ARHGEF7: variants seen among roughly 807,000 people sequenced by gnomAD.
ARHGEF7 encodes PAK-interacting exchange factor beta.
A neutral mutation model predicts 109.8 loss-of-function variants in ARHGEF7; 33 were observed. The ratio of observed to expected loss-of-function variants is 0.30; its 90% confidence interval spans 0.23 to 0.40. The LOEUF is 0.40. Among genes scored for constraint, ARHGEF7 ranks in the 10% least tolerant of loss-of-function variants. ARHGEF7 has a pLI of 1.00. For missense variants in ARHGEF7, 938 were observed against 1,098.5 expected, an observed-to-expected ratio of 0.85 and a Z score of 2.07; for synonymous variants, 458 against 424.6, an observed-to-expected ratio of 1.08 and a Z score of -0.97.
intron 2 of ARHGEF7, chr13:111,184,948 TG>T (rs1248184549): frequency 1.3e-5 from 2 of 152,248 alleles, no homozygotes; most frequent in East Asian, 3.8e-4. Flanking sequence ...ACACTTCAGA[TG>T]GGGGATAGTC....
intron 8 of ARHGEF7, among the ~76,000 whole-genome samples, chr13:111,253,647 G>C (rs1020223692): frequency 6.6e-6 from 1 of 152,172 alleles, no homozygotes; most frequent in African/African-American, 2.4e-5. Flanking sequence ...AGGGTGCCTG[G>C]ATCACTGTAC....
intron 2 of ARHGEF7, among the ~76,000 whole-genome samples, chr13:111,204,018 G>A (rs2081478697): frequency 6.6e-6 from 1 of 152,196 alleles, no homozygotes; most frequent in Non-Finnish European, 1.5e-5. Flanking sequence ...AGGGAGGCCT[G>A]TAGACATCCA....
intron 5 of ARHGEF7, among the ~76,000 whole-genome samples, chr13:111,221,492 C>T (rs1343406638): frequency 6.6e-4 from 27 of 41,190 alleles, no homozygotes; most frequent in Middle Eastern, 0.02. Context: ...TATATATAGA[C>T]ATATATATAT....
rs1337726889 is a variant in ARHGEF7, at chr13:111,261,008, C to T, written c.951-6540C>T. Among the ~76,000 whole-genome samples, 5 of 151,508 alleles carry T rather than the reference C, an allele frequency of 3.3e-5. No homozygotes were observed. The East Asian group carries it at 5.8e-4, about 18-fold the overall frequency. On this transcript the variant is annotated intron_variant, in intron 8 of 21. Coordinates refer to ENST00000646102, the MANE Select transcript of ARHGEF7 (RefSeq NM_001354046.2). ...CAATAGATCCATAAAAAATAAAAAG[C>T]AAGAAATTAAAACATAAAACCAGAG... is the stretch of plus-strand genomic sequence containing the variant.
intron 8 of ARHGEF7, among the ~76,000 whole-genome samples, chr13:111,256,459 C>T (rs923240798): frequency 6.6e-6 from 1 of 152,224 alleles, no homozygotes; most frequent in Non-Finnish European, 1.5e-5. Flanking sequence ...GCTCCACCAT[C>T]CCTGGTCTTT....
At chr13:111,226,563 A>C (rs539893021) in intron 5 of ARHGEF7, among the ~76,000 whole-genome samples, 5 of 152,256 alleles carry the variant, frequency 3.3e-5, no homozygotes, top group Non-Finnish European at 5.9e-5. Context: ...GGTTTGCTGA[A>C]TATTTTAAGC....
intron 2 of ARHGEF7, among the ~76,000 whole-genome samples, chr13:111,159,984 C>T (rs1445694879): frequency 6.6e-6 from 1 of 152,156 alleles, no homozygotes; most frequent in African/African-American, 2.4e-5. Context: ...TTCATAGTCT[C>T]AGGTCTTACA....
intron 2 of ARHGEF7, among the ~76,000 whole-genome samples, chr13:111,157,583 AATG>A (rs961526428): frequency 3.9e-5 from 6 of 152,152 alleles, no homozygotes; most frequent in Admixed American, 3.3e-4. Context: ...AGAAAAAAAA[AATG>A]ATGATGATGA....
chr13:111,194,558 T>C (rs1426320135), intron 2 of ARHGEF7, among the ~76,000 whole-genome samples: 2 of 152,252 alleles, frequency 1.3e-5, no homozygotes, highest in East Asian at 3.8e-4. Flanking sequence ...TGACCTGCTA[T>C]AGGCAAAGCT....
chr13:111,232,279 G>C (rs1380955890), intron 5 of ARHGEF7, among the ~76,000 whole-genome samples: 1 of 152,080 alleles, frequency 6.6e-6, no homozygotes, highest in South Asian at 2.1e-4. Context: ...GCCATACACT[G>C]TCTGCAGAAC....
intron 1 of ARHGEF7, chr13:111,144,824 A>G (rs773856602): frequency 2.0e-5 from 3 of 152,196 alleles, no homozygotes; most frequent in Admixed American, 6.5e-5. Flanking sequence ...GGGAGTGGTC[A>G]TCGTCTTCTT....
rs941192847 is a variant in ARHGEF7 at position 111,212,938 on chromosome 13, G to C, written c.468+2936G>C. On this transcript the variant is annotated intron_variant, in intron 4 of 21. Coordinates refer to ENST00000646102, the MANE Select transcript of ARHGEF7 (RefSeq NM_001354046.2). ...TATTGGTTGACATGAGGAAACTGAA[G>C]CTTAGAGAAGATATTTACCCAAGAT... is the stretch of plus-strand genomic sequence containing the variant. Among the ~76,000 whole-genome samples, 5 of 152,126 alleles carry C rather than the reference G, an allele frequency of 3.3e-5. No individual in the cohort carries two copies. The East Asian group carries it at 9.6e-4, about 29-fold the overall frequency.
chr13:111,285,701 T>G (rs1397432035), intron 16 of ARHGEF7, among the ~76,000 whole-genome samples: 1 of 152,220 alleles, frequency 6.6e-6, no homozygotes, highest in Non-Finnish European at 1.5e-5. Flanking sequence ...CAATTATTTT[T>G]TACTTATCTG....
At position 111,272,358 on chromosome 13, in the gene ARHGEF7, C is replaced by T. The variant is rs868835343; in HGVS notation, c.1074-1456C>T. On this transcript the variant is annotated intron_variant, in intron 9 of 21. Coordinates refer to ENST00000646102, the MANE Select transcript of ARHGEF7 (RefSeq NM_001354046.2). This position sits in a 1 kb window ranked among gnomAD's most constrained non-coding sequence, Gnocchi z 5.2. ...GAGCCCTTGATGGTTCTGGTGTCCCCGAGACCTCTGGCAGTAGCCAGCTTG... is the reference window on the plus strand; with the variant it reads ...GAGCCCTTGATGGTTCTGGTGTCCCTGAGACCTCTGGCAGTAGCCAGCTTG... Among the ~76,000 whole-genome samples the T allele has an allele frequency of 3.3e-5, 5 of 152,164 alleles. No individual in the cohort carries two copies. The highest frequency in any genetic ancestry group is 4.8e-5 in the African/African-American group (2 of 41,444).
intron 19 of ARHGEF7, among the ~76,000 whole-genome samples, chr13:111,299,225 G>A (rs1245552333): frequency 6.6e-6 from 1 of 152,066 alleles, no homozygotes; most frequent in Non-Finnish European, 1.5e-5. Flanking sequence ...TAACAGTGGT[G>A]CCCTCGCGTG....
At chr13:111,188,237 G>A (rs1191011457) in intron 2 of ARHGEF7, among the ~76,000 whole-genome samples, 1 of 152,206 alleles carries the variant, frequency 6.6e-6, no homozygotes, top group African/African-American at 2.4e-5. Context: ...AAGGCCTTAG[G>A]CTGCCAGAAT....
In ARHGEF7 at chr13:111,143,282, C is replaced by G. The variant is rs192527738; in HGVS notation, c.166-10623C>G. ...TGCTTGTGCTGAGGGTGGACATGAC[C>G]CTGCCTCATTTTGAAACTCACCCAG... On this transcript the variant is annotated intron_variant, in intron 1 of 21. Coordinates refer to ENST00000646102, the MANE Select transcript of ARHGEF7 (RefSeq NM_001354046.2). Among the ~76,000 whole-genome samples the G allele has an allele frequency of 3.2e-3, 484 of 152,248 alleles. 2 individuals carry two copies. Among genetic ancestry groups the G allele is most frequent in the African/African-American group, 0.011 (464 of 41,544 alleles).
intron 6 of ARHGEF7, among the ~76,000 whole-genome samples, chr13:111,236,180 G>T (rs979682759): frequency 6.6e-6 from 1 of 152,168 alleles, no homozygotes; most frequent in Non-Finnish European, 1.5e-5. Flanking sequence ...CTCCTGTGGT[G>T]CAATTAGTCA....
intron 6 of ARHGEF7, chr13:111,241,409 C>A: frequency 5.4e-6 from 8 of 1,477,972 alleles, no homozygotes; most frequent in Non-Finnish European, 7.3e-6. Flanking sequence ...GTGGGCACCC[C>A]AGCTGGAGTC....
Sources: gnomAD v4.1 joint callset for allele counts (sites outside exome capture counted in the v4.1 genomes callset) on GRCh38, gnomAD v4.1.1 for gene constraint, Gnocchi (gnomAD v3.1) non-coding constraint, MANE v1.5 for transcripts, NCBI Gene and HGNC (gene_info 2026-07-23, HGNC 2026-07-21) for gene names.